Variants in ESPL1 observed in about 807,000 individuals in gnomAD.
ESPL1 encodes the protein separin.
A neutral mutation model predicts 217.2 loss-of-function variants in ESPL1; 50 were observed. The ratio of observed to expected loss-of-function variants is 0.23; its 90% CI spans 0.18 to 0.29. The LOEUF (loss-of-function observed/expected upper bound fraction) is 0.29. ESPL1 is among the 10% of genes least tolerant of loss of function. ESPL1 has a pLI of 1.00. For missense variants in ESPL1, 1,834 were observed against 2,603.0 expected (o/e 0.70, Z 6.43); for synonymous variants, 994 against 1,081.3 (o/e 0.92, Z 1.58).
Position 53,286,286 on chromosome 12 carries a change from C to A in ESPL1, c.3550C>A (p.Leu1184Met). The change falls in exon 18 of 31, where the codon CTG (leucine) becomes ATG (methionine). Residue 1184 changes from leucine to methionine, a missense_variant. This residue lies in a region of ESPL1 where 681 missense variants were observed against 808.0 expected (regional missense o/e 0.84). Coordinates refer to ENST00000257934, the MANE Select transcript of ESPL1 (RefSeq NM_012291.5). This position sits in a 1 kb window ranked among gnomAD's most constrained non-coding sequence, Gnocchi z 5.3. ...CCACCAAGCCCAGGGTCTGGATCTGCTGCAGGTCGTGCTGAAGGGCTGTCC... is the reference window on the plus strand; with the variant it reads ...CCACCAAGCCCAGGGTCTGGATCTGATGCAGGTCGTGCTGAAGGGCTGTCC... Reference protein sequence around the residue: ...MGHQAQGLDLLQVVLKGCPEA... With the variant: ...MGHQAQGLDLMQVVLKGCPEA... 6.2e-7 allele frequency: 1 copy of A among 1,614,216 alleles called. No individual in the cohort carries two copies. Among genetic ancestry groups the A allele is most frequent in the Non-Finnish European group, 8.5e-7 (1 of 1,180,040 alleles).
At chr12:53,276,577 G>A in intron 7 of ESPL1, 43 bp from the exon 8 acceptor site, 1 of 1,539,526 alleles carries the variant, frequency 6.5e-7, no homozygotes, top group South Asian at 1.2e-5. Flanking sequence ...GAGGCTTTAT[G>A]CCTCCTGGGT....
In ESPL1 at chr12:53,270,079, T is replaced by C; in HGVS notation, c.1137T>C (p.Asp379=). Residue 379 remains aspartate, a synonymous_variant, in exon 3 of 31, where the codon GAT becomes GAC. Transcript: ENST00000257934. ...GCTCTCTTCTGCAGCAGCTGCGGGA[T>C]GATGGTGTGAGTTAAGGACCTGGAG... ...GYCSLLQQLR[D]DGVYGGSSKQ... is the part of the protein sequence containing the mutation. 1.9e-6 allele frequency: 3 copies of C among 1,605,422 alleles called. No homozygotes were observed. Among genetic ancestry groups the C allele is most frequent in the Non-Finnish European group, 2.6e-6 (3 of 1,175,656 alleles).
At chr12:53,278,016 A>C (rs2120917669) in intron 11 of ESPL1, 56 bp downstream of exon 11, 5 of 1,562,384 alleles carry the variant, frequency 3.2e-6, no homozygotes, top group Non-Finnish European at 4.4e-6. Context: ...GACCAGAAAC[A>C]GCTCCCTCGC....
At chr12:53,271,051 T>C (rs1474410303) in intron 5 of ESPL1, among the ~76,000 whole-genome samples, 2 of 151,768 alleles carry the variant, frequency 1.3e-5, no homozygotes, top group African/African-American at 4.9e-5. Context: ...GCACCTAATA[T>C]GCAACCTTAT....
At chr12:53,280,720 G>A (rs952327315) in intron 12 of ESPL1, among the ~76,000 whole-genome samples, 20 of 152,054 alleles carry the variant, frequency 1.3e-4, no homozygotes, top group Non-Finnish European at 2.5e-4. Flanking sequence ...CAGGCTGAGC[G>A]CAGTGGCTCA....
chr12:53,281,206 C>G (rs1943856019), intron 12 of ESPL1, among the ~76,000 whole-genome samples: 1 of 148,822 alleles, frequency 6.7e-6, no homozygotes, highest in Non-Finnish European at 1.5e-5. Flanking sequence ...GGCGCGATCT[C>G]CATTCACTGC....
Position 53,288,323 on chromosome 12 carries a change from G to A in ESPL1, c.4528G>A (p.Gly1510Arg), listed in dbSNP as rs143177748. The A allele has an allele frequency of 3.0e-4, 473 of 1,600,436 alleles. 1 individual carries two copies. The African/African-American group carries it at 5.0e-3, about 17-fold the overall frequency. ...MSFEILRGSDGEDSASGGKTP... is the reference protein window; with the variant it reads ...MSFEILRGSDREDSASGGKTP... ...CTTTGAGATCCTCAGGGGCTCTGAC[G>A]GGGAAGACTCAGCCTCAGGTAGGAC... Residue 1510 changes from glycine (G) to arginine (R), a missense_variant, in exon 19 of 31, where the codon GGG (glycine) becomes AGG (arginine). Gly to Arg is a moderately radical substitution (Grantham distance 125, BLOSUM62 -2). This residue lies in a region of ESPL1 where 681 missense variants were observed against 808.0 expected (regional missense o/e 0.84). Transcript: ENST00000257934.
At chr12:53,291,922 C>T (rs1168649638) in intron 26 of ESPL1, 62 bp downstream of exon 26, 1 of 1,597,330 alleles carries the variant, frequency 6.3e-7, no homozygotes, top group East Asian at 2.2e-5. Flanking sequence ...CATCCCCATG[C>T]CCCTTCTGAC....
chr12:53,290,786 G>A (rs1944042655), intron 24 of ESPL1, 55 bp from the exon 25 acceptor site: 1 of 942,752 alleles, frequency 1.1e-6, no homozygotes, highest in Non-Finnish European at 1.3e-6. Flanking sequence ...GTCAGTGCCT[G>A]TGAGAAAGAA....
intron 5 of ESPL1, among the ~76,000 whole-genome samples, chr12:53,272,086 CAAAAAAAA>C (rs33920201): frequency 3.6e-5 from 5 of 137,100 alleles, no homozygotes; most frequent in Non-Finnish European, 8.0e-5. Flanking sequence ...GACTCTGTCT[CAAAAAAAA>C]AAAAAAAAAA....
In ESPL1 at chr12:53,291,725, G is replaced by A. The variant is rs1944063410; in HGVS notation, c.5556G>A (p.Gln1852=). Residue 1852 remains glutamine, a synonymous_variant, in exon 26 of 31, where the codon CAG becomes CAA. Transcript: ENST00000257934. ...GTGGTGCCGGTGCCCTCACCCCTCA[G>A]GACATTCAGGCCCTGGCCTACGGGC... is the stretch of plus-strand genomic sequence containing the variant. The part of the protein sequence containing the change: ...MLSGAGALTP[Q]DIQALAYGLC... 1.2e-6 allele frequency: 2 copies of A among 1,613,890 alleles called. No individual in the cohort carries two copies. Among genetic ancestry groups the A allele is most frequent in the Admixed American group, 3.3e-5 (2 of 59,952 alleles).
Position 53,270,767 on chromosome 12 carries a change from C to T in ESPL1, c.1338C>T (p.Gly446=). The T allele has an allele frequency of 2.5e-6, 4 of 1,614,164 alleles. No homozygotes were observed. Among genetic ancestry groups the T allele is most frequent in the Non-Finnish European group, 3.4e-6 (4 of 1,180,026 alleles). ...WMLEALEGLS[G]QELTDHMGMT... Reference sequence around the variant, plus strand: ...TGGAGGCCTTAGAGGGCCTGTCGGGCCAAGAGCTGACGGACCACATGGGGA... The same window carrying T: ...TGGAGGCCTTAGAGGGCCTGTCGGGTCAAGAGCTGACGGACCACATGGGGA... Residue 446 remains glycine (G), a synonymous_variant, in exon 5 of 31, where the codon GGC becomes GGT. Coordinates refer to ENST00000257934, the MANE Select transcript of ESPL1 (RefSeq NM_012291.5).
intron 8 of ESPL1, 86 bp downstream of exon 8, chr12:53,276,945 C>T: frequency 6.4e-7 from 1 of 1,563,620 alleles, no homozygotes; most frequent in African/African-American, 1.3e-5. Context: ...CTCTCCACAG[C>T]CCTGAGCTCT....
rs746876676 is a variant in ESPL1 at position 53,286,158 on chromosome 12, C to G, written c.3422C>G (p.Ser1141Cys). ...TKPQPIPNFLSHSPTCDCSLC... is the reference protein window; with the variant it reads ...TKPQPIPNFLCHSPTCDCSLC... ...CCCCAGCCCATACCCAACTTCCTGT[C>G]CCATTCACCCACCTGTGACTGCTCG... Residue 1141 changes from serine to cysteine, a missense_variant, in exon 18 of 31, where the codon TCC (serine) becomes TGC (cysteine). Coordinates refer to ENST00000257934, the MANE Select transcript of ESPL1 (RefSeq NM_012291.5). This position sits in a 1 kb window ranked among gnomAD's most constrained non-coding sequence, Gnocchi z 5.3. 1 of 1,614,252 alleles carries G rather than the reference C, an allele frequency of 6.2e-7. No homozygotes were observed. Among genetic ancestry groups the G allele is most frequent in the South Asian group, 1.1e-5 (1 of 91,086 alleles).
intron 8 of ESPL1, 98 bp downstream of exon 8, chr12:53,276,957 C>A: frequency 6.4e-7 from 1 of 1,555,870 alleles, no homozygotes; most frequent in Non-Finnish European, 8.7e-7. Context: ...CTGAGCTCTC[C>A]CTTCATCTTG....
chr12:53,282,356 C>T lies in ESPL1; in HGVS notation c.2712C>T (p.Val904=), dbSNP rs541918602. Residue 904 remains valine (V), a synonymous_variant, in exon 14 of 31, where the codon GTC becomes GTT. Coordinates refer to ENST00000257934, the MANE Select transcript of ESPL1 (RefSeq NM_012291.5). The surrounding 1 kb of genome is among the most constrained non-coding windows in gnomAD (Gnocchi z 4.0). ...SKAWYLLRVQ[V]LQLVAAYLSL... is the part of the protein sequence containing the mutation. ...CTTGGTACTTGCTGCGTGTCCAGGT[C>T]CTGCAGCTGGTGGCAGCTTACCTTA... The T allele has an allele frequency of 1.9e-6, 3 of 1,614,100 alleles. No individual in the cohort carries two copies. The highest frequency in any genetic ancestry group is 1.7e-6 in the Non-Finnish European group (2 of 1,179,974).
At position 53,290,426 on chromosome 12, in the gene ESPL1, G is replaced by A. The variant is rs542853803; in HGVS notation, c.5321G>A (p.Arg1774Gln). The change falls in exon 24 of 31, where the codon CGA (arginine) becomes CAA (glutamine). Residue 1774 changes from arginine (R) to glutamine (Q), a missense_variant. This residue lies in a region of ESPL1 where 295 missense variants were observed against 519.8 expected (regional missense o/e 0.57). Transcript: ENST00000257934. ...GAGAACAGCAGCTGTACTGACAAGCGAGAATGGTGGACAGGGCGGCTGGCA... is the reference window on the plus strand; with the variant it reads ...GAGAACAGCAGCTGTACTGACAAGCAAGAATGGTGGACAGGGCGGCTGGCA... ...QKENSSCTDKREWWTGRLALD... is the reference protein window; with the variant it reads ...QKENSSCTDKQEWWTGRLALD... 22 of 1,613,346 alleles carry A rather than the reference G, an allele frequency of 1.4e-5. No individual in the cohort carries two copies. The African/African-American group carries it at 2.0e-4, about 15-fold the overall frequency.
intron 3 of ESPL1, 96 bp from the exon 4 acceptor site, chr12:53,270,282 T>C: frequency 9.7e-7 from 1 of 1,035,202 alleles, no homozygotes; most frequent in Non-Finnish European, 1.5e-6. Context: ...TCGTGCTCCC[T>C]GGGCTCTGTC....
chr12:53,286,715 C>G lies in ESPL1; in HGVS notation c.3979C>G (p.Pro1327Ala). 1 of 1,614,138 alleles carries G rather than the reference C, an allele frequency of 6.2e-7. No individual in the cohort carries two copies. The highest frequency in any genetic ancestry group is 8.5e-7 in the Non-Finnish European group (1 of 1,180,012). Residue 1327 changes from proline to alanine, a missense_variant, in exon 18 of 31, where the codon CCC (proline) becomes GCC (alanine). Physicochemically the swap from Pro to Ala is conservative, Grantham distance 27. Transcript: ENST00000257934. The surrounding 1 kb of genome is among the most constrained non-coding windows in gnomAD (Gnocchi z 5.3). ...GRGRQKLASA[P>A]LRLNNTSQKG... The stretch of plus-strand genomic sequence containing the variant: ...AGGGCGCCAAAAGTTAGCCTCTGCT[C>G]CCCTGCGCCTCAATAATACCTCTCA...
Sources: allele counts gnomAD v4.1 joint callset (sites outside exome capture counted in the v4.1 genomes callset), GRCh38; gene constraint gnomAD v4.1.1; regional missense constraint gnomAD v4.1.1; non-coding constraint Gnocchi (gnomAD v3.1); transcripts MANE v1.5; gene names NCBI Gene and HGNC (gene_info 2026-07-23, HGNC 2026-07-21).